Variants in WDR70 observed in about 807,000 individuals in gnomAD.
WDR70 encodes WD repeat-containing protein 70.
In WDR70, 53 loss-of-function variants were observed where a neutral mutation model predicts 88.6. The observed-to-expected ratio is 0.60, with a 90% CI of 0.48 to 0.75. The LOEUF is 0.75. Ranked by LOEUF, WDR70 falls within the 30% of genes least tolerant of loss-of-function variation. The pLI, the probability that WDR70 is intolerant of heterozygous loss-of-function variation, is 0.00. For synonymous variants in WDR70, 280 were observed against 270.0 expected, an observed-to-expected ratio of 1.04 and a Z score of -0.36; for missense variants, 610 against 823.2, an observed-to-expected ratio of 0.74 and a Z score of 3.17.
At chr5:37,720,353 C>T (rs1747771662) in intron 13 of WDR70, among the ~76,000 whole-genome samples, 1 of 151,966 alleles carries the variant, frequency 6.6e-6, no homozygotes, top group Non-Finnish European at 1.5e-5. Context: ...CCCTTTAATT[C>T]TGTCCACGCT....
intron 3 of WDR70, among the ~76,000 whole-genome samples, chr5:37,383,099 A>C (rs13161291): frequency 6.6e-6 from 1 of 152,024 alleles, no homozygotes; most frequent in Non-Finnish European, 1.5e-5. Context: ...AAAATATAAA[A>C]TATAAAACAA....
chr5:37,575,126 C>T (rs935881760), intron 9 of WDR70, among the ~76,000 whole-genome samples: 1 of 152,126 alleles, frequency 6.6e-6, no homozygotes, highest in Non-Finnish European at 1.5e-5. Flanking sequence ...AGTGGATACT[C>T]ATTAAATATT....
At chr5:37,472,175 T>TTC (rs1264052463) in intron 7 of WDR70, among the ~76,000 whole-genome samples, 1 of 152,032 alleles carries the variant, frequency 6.6e-6, no homozygotes, top group Admixed American at 6.5e-5. Flanking sequence ...GATTTTGCCA[T>TTC]TCTTAAAGCC....
intron 5 of WDR70, among the ~76,000 whole-genome samples, chr5:37,430,137 T>C (rs940429579): frequency 6.6e-6 from 1 of 152,350 alleles, no homozygotes; most frequent in Non-Finnish European, 1.5e-5. Context: ...CCAGCCTGTT[T>C]TAAAGTTTTA....
intron 17 of WDR70, among the ~76,000 whole-genome samples, chr5:37,734,308 T>A (rs775485749): frequency 1.3e-5 from 2 of 152,090 alleles, no homozygotes; most frequent in Non-Finnish European, 2.9e-5. Context: ...AAATCAAATA[T>A]CAGCAGTTTT....
chr5:37,437,377 G>T (rs1750500230), intron 5 of WDR70, among the ~76,000 whole-genome samples: 1 of 152,106 alleles, frequency 6.6e-6, no homozygotes, highest in South Asian at 2.1e-4. Context: ...CCCCAGAATA[G>T]ATAGAGAACT....
intron 9 of WDR70, among the ~76,000 whole-genome samples, chr5:37,570,482 A>T (rs958260274): frequency 5.0e-4 from 76 of 152,244 alleles, no homozygotes; most frequent in African/African-American, 1.8e-3. Flanking sequence ...AATTGAAATC[A>T]GGGGAAGGGG....
rs1034052912 is a variant in WDR70 at position 37,391,861 on chromosome 5, T to C, written c.176-139T>C. 1.3e-5 allele frequency: 11 copies of C among 878,372 alleles called. No individual in the cohort carries two copies. In the East Asian group the frequency reaches 2.6e-4, roughly 21 times the overall value. 54.4% of individuals were successfully genotyped at this position (878,372 alleles called of 1,614,324 possible). ...CCATACTGTTTTCCAGTGGCTGTGG[T>C]TGATAATTTTTTGCTGTTACTGCTA... On this transcript the variant is annotated intron_variant, in intron 3 of 17. Coordinates refer to ENST00000265107, the MANE Select transcript of WDR70 (RefSeq NM_018034.4).
chr5:37,651,101 A>G (rs1581466095), intron 10 of WDR70, among the ~76,000 whole-genome samples: 1 of 151,720 alleles, frequency 6.6e-6, no homozygotes, highest in South Asian at 2.1e-4. Context: ...TCCTAATGCT[A>G]TCCCTCCCCT....
chr5:37,584,081 T>C (rs1743295860), intron 9 of WDR70, among the ~76,000 whole-genome samples: 1 of 152,224 alleles, frequency 6.6e-6, no homozygotes, highest in Non-Finnish European at 1.5e-5. Context: ...ACTGAATGTT[T>C]ACGTTAATTA....
At chr5:37,684,303 G>A (rs577212328) in intron 10 of WDR70, among the ~76,000 whole-genome samples, 2 of 152,180 alleles carry the variant, frequency 1.3e-5, no homozygotes, top group South Asian at 4.2e-4. Flanking sequence ...TGTCATTTCA[G>A]CCGTCTCAGC....
At chr5:37,438,084 C>T (rs564042059) in intron 6 of WDR70, 103 bp downstream of exon 6, 90 of 934,554 alleles carry the variant, frequency 9.6e-5, no homozygotes, top group Admixed American at 2.3e-4. Flanking sequence ...ATACAATCAA[C>T]TGATGACATA....
intron 10 of WDR70, among the ~76,000 whole-genome samples, chr5:37,656,054 G>GTT (rs146476048): frequency 3.2e-4 from 48 of 150,890 alleles, no homozygotes; most frequent in Non-Finnish European, 3.7e-4. Flanking sequence ...TTTTGCCCTG[G>GTT]TTTTTTTTTC....
At chr5:37,542,689 G>T (rs888089988) in intron 9 of WDR70, among the ~76,000 whole-genome samples, 1 of 152,122 alleles carries the variant, frequency 6.6e-6, no homozygotes, top group Admixed American at 6.5e-5. Flanking sequence ...CACAAATCAT[G>T]TAATTTGTGA....
At chr5:37,496,683 G>T (rs1330781702) in intron 8 of WDR70, among the ~76,000 whole-genome samples, 2 of 152,154 alleles carry the variant, frequency 1.3e-5, no homozygotes, top group African/African-American at 2.4e-5. Context: ...TGCTTTCTGG[G>T]GTCTGCCTTT....
chr5:37,653,973 G>C lies in WDR70; in HGVS notation c.1093-43682G>C, dbSNP rs145621538. 9.3e-3 allele frequency among the ~76,000 whole-genome samples: 1,405 copies of C among 151,832 alleles called. 28 individuals carry two copies. The highest frequency in any genetic ancestry group is 0.07 in the East Asian group (361 of 5,158). On this transcript the variant is annotated intron_variant, in intron 10 of 17. Coordinates refer to ENST00000265107, the MANE Select transcript of WDR70 (RefSeq NM_018034.4). Reference sequence around the variant, plus strand: ...TTTTGCTCTGATCTTAGTTATTTCTGGTCTTCTGGTAGCTTTTGAGTTTGT... The same window carrying C: ...TTTTGCTCTGATCTTAGTTATTTCTCGTCTTCTGGTAGCTTTTGAGTTTGT...
intron 8 of WDR70, among the ~76,000 whole-genome samples, chr5:37,482,363 A>C (rs1464691283): frequency 6.6e-6 from 1 of 152,214 alleles, no homozygotes; most frequent in African/African-American, 2.4e-5. Flanking sequence ...ACAGTTCTGC[A>C]TGGCTGGGGA....
chr5:37,406,983 A>G (rs1749373787), intron 5 of WDR70, among the ~76,000 whole-genome samples: 1 of 152,216 alleles, frequency 6.6e-6, no homozygotes, highest in Non-Finnish European at 1.5e-5. Context: ...GGAACTAACG[A>G]AAACTGTTAG....
chr5:37,628,755 T>G (rs1381192665), intron 10 of WDR70, among the ~76,000 whole-genome samples: 1 of 152,260 alleles, frequency 6.6e-6, no homozygotes, highest in Non-Finnish European at 1.5e-5. Flanking sequence ...TTATTTTGCA[T>G]ATCCTTTGTT....
Sources: gnomAD v4.1 joint callset for allele counts (sites outside exome capture counted in the v4.1 genomes callset) on GRCh38, gnomAD v4.1.1 for gene constraint, MANE v1.5 for transcripts, NCBI Gene and HGNC (gene_info 2026-07-23, HGNC 2026-07-21) for gene names.